UNC13B: variants seen among roughly 807,000 people sequenced by gnomAD.
The protein encoded by UNC13B is protein unc-13 homolog B.
In UNC13B, 144 loss-of-function variants were observed where a neutral mutation model predicts 211.0. The ratio of observed to expected loss-of-function variants is 0.68; its 90% CI spans 0.60 to 0.78. UNC13B has a LOEUF of 0.78. Ranked by LOEUF, UNC13B falls within the 30% of genes least tolerant of loss-of-function variation. UNC13B has a pLI of 0.00. For synonymous variants in UNC13B, 709 were observed against 725.8 expected (o/e 0.98, Z 0.37); for missense variants, 1,777 against 2,002.0 (o/e 0.89, Z 2.14).
chr9:35,391,587 A>G (rs751657534), intron 26 of UNC13B, among the ~76,000 whole-genome samples: 6 of 152,232 alleles, frequency 3.9e-5, no homozygotes, highest in Non-Finnish European at 8.8e-5. Flanking sequence ...CTACACGCAT[A>G]CATTCTGTAA....
Position 35,398,875 on chromosome 9 carries a change from T to TG in UNC13B, c.11922-6dup. On this transcript the variant is annotated splice_region_variant and splice_polypyrimidine_tract_variant and intron_variant, in intron 32 of 39. Coordinates refer to ENST00000635942, the MANE Select transcript of UNC13B (RefSeq NM_001371189.2). ...AGGGAAAGGCTACACTGCGGGCACA[T>TG]GTGTAGTTTCCAGGTACGGATTGAT... 1 of 1,612,592 alleles carries TG rather than the reference T, an allele frequency of 6.2e-7. No homozygotes were observed. The highest frequency in any genetic ancestry group is 8.5e-7 in the Non-Finnish European group (1 of 1,178,978).
intron 1 of UNC13B, among the ~76,000 whole-genome samples, chr9:35,203,254 A>G (rs945879714): frequency 6.6e-6 from 1 of 152,146 alleles, no homozygotes; most frequent in Non-Finnish European, 1.5e-5. Context: ...CCTAGCATCG[A>G]TGGTCTTTAC....
At chr9:35,255,898 T>G (rs1188001241) in intron 6 of UNC13B, among the ~76,000 whole-genome samples, 1 of 152,166 alleles carries the variant, frequency 6.6e-6, no homozygotes, top group Non-Finnish European at 1.5e-5. Context: ...GGAAAATAGC[T>G]ATTATCAATT....
intron 1 of UNC13B, among the ~76,000 whole-genome samples, chr9:35,177,139 T>G (rs1821680950): frequency 6.6e-6 from 1 of 151,892 alleles, no homozygotes; most frequent in Non-Finnish European, 1.5e-5. Context: ...AAAAAAAAAT[T>G]AGTCGGGCGT....
chr9:35,386,278 C>A lies in UNC13B; in HGVS notation c.11079C>A (p.Ser3693Arg). ...TCAACAACTGCCACGACTTATACAG[C>A]CGCCAGTACCAGCTGGTAAGAGGTT... is the stretch of plus-strand genomic sequence containing the variant. The part of the protein sequence containing the change: ...YIFNNCHDLY[S>R]RQYQLKQELP... The change falls in exon 24 of 40, where the codon AGC becomes AGA. Residue 3693 changes from serine to arginine, a missense_variant. Physicochemically the swap from Ser to Arg is moderately radical, Grantham distance 110 (BLOSUM62 -1). Coordinates refer to ENST00000635942, the MANE Select transcript of UNC13B (RefSeq NM_001371189.2). The A allele has an allele frequency of 6.2e-7, 1 of 1,614,118 alleles. No homozygotes were observed. Among genetic ancestry groups the A allele is most frequent in the Non-Finnish European group, 8.5e-7 (1 of 1,179,996 alleles).
At chr9:35,191,885 G>C (rs140247395) in intron 1 of UNC13B, among the ~76,000 whole-genome samples, 45 of 152,282 alleles carry the variant, frequency 3.0e-4, no homozygotes, top group African/African-American at 1.1e-3. Context: ...CTTAACCTAA[G>C]GTACCCTTTC....
At chr9:35,253,682 G>T (rs1365408775) in intron 6 of UNC13B, among the ~76,000 whole-genome samples, 3 of 152,190 alleles carry the variant, frequency 2.0e-5, no homozygotes, top group Non-Finnish European at 4.4e-5. Context: ...CCACTTTACA[G>T]AGTTGGATTG....
chr9:35,400,241 G>A (rs1181325524), intron 36 of UNC13B, 55 bp from the exon 37 acceptor site: 4 of 1,592,994 alleles, frequency 2.5e-6, no homozygotes, highest in Non-Finnish European at 3.4e-6. Flanking sequence ...ACAATGTTGG[G>A]GAGCTGCTTT....
At chr9:35,269,059 T>G (rs1274249546) in intron 7 of UNC13B, among the ~76,000 whole-genome samples, 2 of 152,194 alleles carry the variant, frequency 1.3e-5, no homozygotes, top group East Asian at 3.9e-4. Flanking sequence ...ATGACTTAAT[T>G]CTGACACTAG....
intron 37 of UNC13B, chr9:35,401,864 T>C: frequency 6.2e-6 from 8 of 1,284,066 alleles, no homozygotes; most frequent in Non-Finnish European, 8.8e-6. Flanking sequence ...CTGCTTTGAA[T>C]GGCTGTTAAC....
At chr9:35,351,235 C>G (rs1832700284) in intron 11 of UNC13B, 1 of 1,042,990 alleles carries the variant, frequency 9.6e-7, no homozygotes. Context: ...CAACTTGATT[C>G]AAACTAAAAT....
At chr9:35,312,640 ACATTTAGTTGG>A (rs1198789270) in intron 10 of UNC13B, among the ~76,000 whole-genome samples, 1 of 152,230 alleles carries the variant, frequency 6.6e-6, no homozygotes, top group Non-Finnish European at 1.5e-5. Flanking sequence ...AACAGTTGAC[ACATTTAGTTGG>A]CATCAGAAAC....
At chr9:35,277,116 C>T (rs1395024654) in intron 7 of UNC13B, among the ~76,000 whole-genome samples, 1 of 151,978 alleles carries the variant, frequency 6.6e-6, no homozygotes, top group Non-Finnish European at 1.5e-5. Flanking sequence ...GTTAGGTACT[C>T]AGGGAGTGAC....
At chr9:35,255,742 G>A (rs1432569802) in intron 6 of UNC13B, among the ~76,000 whole-genome samples, 2 of 152,126 alleles carry the variant, frequency 1.3e-5, no homozygotes, top group Non-Finnish European at 2.9e-5. Context: ...TTTTATAATA[G>A]TGATGTTATT....
intron 7 of UNC13B, among the ~76,000 whole-genome samples, chr9:35,260,693 T>G (rs1378381565): frequency 1.3e-5 from 2 of 152,216 alleles, no homozygotes; most frequent in Non-Finnish European, 2.9e-5. Context: ...TTTTGTTTTT[T>G]GCTGTTTAGG....
Position 35,301,440 on chromosome 9 carries a change from C to T in UNC13B, c.2036C>T (p.Pro679Leu). The T allele has an allele frequency of 2.5e-6, 1 of 398,598 alleles. No individual in the cohort carries two copies. Among genetic ancestry groups the T allele is most frequent in the Non-Finnish European group, 4.4e-6 (1 of 225,896 alleles). 24.7% of individuals were successfully genotyped at this position (398,598 alleles called of 1,614,324 possible). Reference protein sequence around the residue: ...ETKKDDDQSKPPRKESFVECG... With the variant: ...ETKKDDDQSKLPRKESFVECG... ...AAAAAAGATGATGACCAGAGTAAGC[C>T]ACCAAGAAAAGAAAGCTTTGTTGAG... The change falls in exon 9 of 40, where the codon CCA becomes CTA. Residue 679 changes from proline (P) to leucine (L), a missense_variant. Physicochemically the swap from Pro to Leu is moderately conservative, Grantham distance 98. Coordinates refer to ENST00000635942, the MANE Select transcript of UNC13B (RefSeq NM_001371189.2).
rs145867563 is a variant in UNC13B, at chr9:35,203,522, G to A, written c.23-24493G>A. On this transcript the variant is annotated intron_variant, in intron 1 of 39. Transcript: ENST00000635942. Reference sequence around the variant, plus strand: ...CTGGCTTGTAGAGTTTCTGCCAAGAGATCTGCTGTTAGTCTGATGGGCTTC... The same window carrying A: ...CTGGCTTGTAGAGTTTCTGCCAAGAAATCTGCTGTTAGTCTGATGGGCTTC... 8.8e-3 allele frequency among the ~76,000 whole-genome samples: 1,346 copies of A among 152,356 alleles called. 13 individuals are homozygous for A. The highest frequency in any genetic ancestry group is 0.015 in the Non-Finnish European group (1,037 of 68,040).
intron 1 of UNC13B, among the ~76,000 whole-genome samples, chr9:35,181,340 C>G (rs4879878): frequency 0.98 from 149,010 of 152,342 alleles, 72,954 homozygotes; most frequent in East Asian, 1. Context: ...AAAAAATTCA[C>G]TGAATGTCTT....
intron 15 of UNC13B, 55 bp from the exon 16 acceptor site, chr9:35,377,413 C>T: frequency 6.3e-7 from 1 of 1,579,232 alleles, no homozygotes; most frequent in Non-Finnish European, 8.7e-7. Context: ...GGCCCCATTC[C>T]TCAGCTCAAC....
Sources: allele counts gnomAD v4.1 joint callset (sites outside exome capture counted in the v4.1 genomes callset), GRCh38; gene constraint gnomAD v4.1.1; transcripts MANE v1.5; gene names NCBI Gene and HGNC (gene_info 2026-07-23, HGNC 2026-07-21).